The following SUMF1 variants were observed in gnomAD, a reference collection of about 807,000 sequenced individuals.
SUMF1 encodes sulfatase modifying factor 1, also known as formylglycine-generating enzyme.
A neutral mutation model predicts 47.6 loss-of-function variants in SUMF1; 48 were observed. The observed-to-expected ratio is 1.01, with a 90% CI of 0.80 to 1.28. The LOEUF is 1.28. Among genes scored for constraint, SUMF1 ranks in the 50% most tolerant of loss-of-function variants. The pLI is 0.00. For synonymous variants in SUMF1, 230 were observed against 192.1 expected (o/e 1.20, Z -1.63); for missense variants, 571 against 485.4 (o/e 1.18, Z -1.66).
At chr3:4,454,246 G>C (rs556001764) in intron 1 of SUMF1, among the ~76,000 whole-genome samples, 39 of 152,234 alleles carry the variant, frequency 2.6e-4, no homozygotes, top group Admixed American at 1.8e-3. Context: ...AGCAATTGGG[G>C]CTGCCTTATT....
At chr3:4,268,954 T>C (rs1218841919) in intron 8 of SUMF1, among the ~76,000 whole-genome samples, 1 of 152,074 alleles carries the variant, frequency 6.6e-6, no homozygotes, top group East Asian at 1.9e-4. Flanking sequence ...CATGCTCCGG[T>C]AGTATAAGGA....
chr3:4,159,032 G>C lies in SUMF1; in HGVS notation c.1015-90287C>G, dbSNP rs951895711. On this transcript the variant is annotated intron_variant and NMD_transcript_variant, in intron 8 of 12. Transcript: ENST00000448413. ...GTCTGTGTCTTGAAAAGTTGTTGCA[G>C]TTTTTTTATCAGTTCATCTTTTCAT... Among the ~76,000 whole-genome samples, 10 of 151,288 alleles carry C rather than the reference G, an allele frequency of 6.6e-5. 1 individual carries two copies. Among genetic ancestry groups the C allele is most frequent in the Admixed American group, 3.9e-4 (6 of 15,226 alleles).
At chr3:4,437,288 A>G (rs1474036771) in intron 3 of SUMF1, among the ~76,000 whole-genome samples, 2 of 152,244 alleles carry the variant, frequency 1.3e-5, no homozygotes, top group African/African-American at 2.4e-5. Flanking sequence ...GAGTAAGGTC[A>G]TGGGATTATT....
intron 8 of SUMF1, among the ~76,000 whole-genome samples, chr3:4,174,732 A>C (rs1052791226): frequency 6.6e-6 from 1 of 152,148 alleles, no homozygotes; most frequent in Non-Finnish European, 1.5e-5. Context: ...AGGATGGGGC[A>C]TCACCTCACC....
intron 8 of SUMF1, among the ~76,000 whole-genome samples, chr3:4,269,175 T>C (rs1575038647): frequency 6.6e-6 from 1 of 152,120 alleles, no homozygotes; most frequent in South Asian, 2.1e-4. Flanking sequence ...ACACACAGAA[T>C]CATTTTTTTA....
At chr3:4,055,373 T>C (rs1695173898) in intron 9 of SUMF1, among the ~76,000 whole-genome samples, 1 of 152,210 alleles carries the variant, frequency 6.6e-6, no homozygotes, top group Non-Finnish European at 1.5e-5. Flanking sequence ...AATAGCTCTA[T>C]TTATTTACAT....
intron 7 of SUMF1, among the ~76,000 whole-genome samples, chr3:4,391,193 A>T (rs1157657890): frequency 6.6e-6 from 1 of 152,006 alleles, no homozygotes; most frequent in African/African-American, 2.4e-5. Flanking sequence ...TATTTTCAAG[A>T]TTTTGTCTTT....
intron 7 of SUMF1, among the ~76,000 whole-genome samples, chr3:4,404,771 T>TCAAAA (rs769572707): frequency 2.0e-5 from 3 of 151,856 alleles, no homozygotes; most frequent in African/African-American, 4.8e-5. Context: ...TCTCAAAAAC[T>TCAAAA]CAAAACAAAA....
Position 4,237,675 on chromosome 3 carries a change from G to A in SUMF1, c.1014+138655C>T, listed in dbSNP as rs76282892. ...GTTCCTTTCATGAATTGTGCCTTTT[G>A]TGTTGCATCTAGAAAGATCTAAGAA... is the stretch of plus-strand genomic sequence containing the variant. On this transcript the variant is annotated intron_variant and NMD_transcript_variant, in intron 8 of 12. Coordinates refer to the SUMF1 transcript ENST00000448413. Among the ~76,000 whole-genome samples, 18 of 152,090 alleles carry A rather than the reference G, an allele frequency of 1.2e-4. No individual in the cohort carries two copies. In the East Asian group the frequency reaches 2.9e-3, roughly 24 times the overall value.
At chr3:4,414,953 C>T (rs746202458) in intron 6 of SUMF1, 2 of 152,182 alleles carry the variant, frequency 1.3e-5, no homozygotes, top group Non-Finnish European at 2.9e-5. Flanking sequence ...ATCAAAAATG[C>T]TTATCACAGG....
intron 8 of SUMF1, among the ~76,000 whole-genome samples, chr3:4,121,393 C>A (rs1205845713): frequency 6.6e-6 from 1 of 152,138 alleles, no homozygotes; most frequent in African/African-American, 2.4e-5. Context: ...CTCACTTCAT[C>A]TTCTTGTAAT....
Position 4,435,465 on chromosome 3 carries a change from G to C in SUMF1, c.519+13801C>G, listed in dbSNP as rs150537854. 5.3e-5 allele frequency among the ~76,000 whole-genome samples: 8 copies of C among 152,154 alleles called. No individual in the cohort carries two copies. The East Asian group carries it at 1.5e-3, about 29-fold the overall frequency. On this transcript the variant is annotated intron_variant, in intron 3 of 8. Transcript: ENST00000272902. ...ACTGGAGTCCCAAAAAGAGAGGAGA[G>C]ATTGGTGTTTAAAAAAAGTGAAATA...
chr3:4,225,035 A>G (rs911223074), intron 8 of SUMF1, among the ~76,000 whole-genome samples: 3 of 152,110 alleles, frequency 2.0e-5, no homozygotes, highest in Admixed American at 2.0e-4. Flanking sequence ...CACAATGTCA[A>G]ACTTTAGCTG....
rs9756350 is a variant in SUMF1, at chr3:4,136,491, C to A, written c.1015-67746G>T. Among the ~76,000 whole-genome samples the A allele has an allele frequency of 2.4e-3, 358 of 152,000 alleles. 2 individuals are homozygous for A. Among genetic ancestry groups the A allele is most frequent in the African/African-American group, 7.9e-3 (327 of 41,464 alleles). ...TAATTCAAGATGGATTAAAGACTTA[C>A]ATGTTAGACCTAAAACCATAAAAAC... On this transcript the variant is annotated intron_variant and NMD_transcript_variant, in intron 8 of 12. Coordinates refer to the SUMF1 transcript ENST00000448413.
At chr3:4,258,333 A>G (rs1697004823) in intron 8 of SUMF1, among the ~76,000 whole-genome samples, 3 of 145,188 alleles carry the variant, frequency 2.1e-5, no homozygotes, top group East Asian at 3.9e-4. Flanking sequence ...GCAACCTACA[A>G]AATGGGAGAA....
At chr3:4,161,059 C>G (rs1559522789) in intron 8 of SUMF1, among the ~76,000 whole-genome samples, 1 of 152,054 alleles carries the variant, frequency 6.6e-6, no homozygotes, top group African/African-American at 2.4e-5. Flanking sequence ...CACCCCAAGC[C>G]CAGTAATGCT....
At chr3:4,202,063 C>T (rs1259939636) in intron 8 of SUMF1, among the ~76,000 whole-genome samples, 1 of 151,934 alleles carries the variant, frequency 6.6e-6, no homozygotes, top group Non-Finnish European at 1.5e-5. Flanking sequence ...TGTCTCTTCA[C>T]ACTGTTGATT....
chr3:4,399,820 C>T (rs190529862), intron 7 of SUMF1, among the ~76,000 whole-genome samples: 4 of 152,162 alleles, frequency 2.6e-5, no homozygotes, highest in African/African-American at 9.7e-5. Context: ...TGCAGTAGCG[C>T]GATCTCGGCT....
intron 8 of SUMF1, among the ~76,000 whole-genome samples, chr3:4,159,729 A>G (rs1442367035): frequency 1.3e-5 from 2 of 152,132 alleles, no homozygotes; most frequent in Non-Finnish European, 2.9e-5. Context: ...AGCATTTCTT[A>G]TAGGACAGAC....
Sources: gnomAD v4.1 joint callset for allele counts (sites outside exome capture counted in the v4.1 genomes callset) on GRCh38, gnomAD v4.1.1 for gene constraint, MANE v1.5 for transcripts, NCBI Gene and HGNC (gene_info 2026-07-23, HGNC 2026-07-21) for gene names.